Variants in CAMK1D observed in about 807,000 individuals in gnomAD.
The protein encoded by CAMK1D is calcium/calmodulin dependent protein kinase ID, also known as calcium/calmodulin-dependent protein kinase type 1D.
A neutral mutation model predicts 47.7 loss-of-function variants in CAMK1D; 9 were observed. The observed-to-expected ratio is 0.19, with a 90% CI of 0.11 to 0.33. The LOEUF is 0.33. Ranked by LOEUF, CAMK1D falls within the 10% of genes least tolerant of loss-of-function variation. CAMK1D has a pLI of 1.00. For synonymous variants in CAMK1D, 184 were observed against 184.9 expected (o/e 0.99, Z 0.04); for missense variants, 291 against 488.7 (o/e 0.60, Z 3.81).
intron 2 of CAMK1D, among the ~76,000 whole-genome samples, chr10:12,573,777 C>T (rs533256211): frequency 4.7e-5 from 7 of 149,040 alleles, no homozygotes; most frequent in East Asian, 2.0e-4. Context: ...ACCTCAGCCT[C>T]GCAAGTAGCT....
At chr10:12,511,579 C>G (rs895963634) in intron 1 of CAMK1D, among the ~76,000 whole-genome samples, 1 of 152,214 alleles carries the variant, frequency 6.6e-6, no homozygotes, top group African/African-American at 2.4e-5. Flanking sequence ...CCACCACACT[C>G]TAGCCTGGGC....
At chr10:12,584,269 C>T (rs766957452) in intron 2 of CAMK1D, among the ~76,000 whole-genome samples, 1 of 152,126 alleles carries the variant, frequency 6.6e-6, no homozygotes, top group Non-Finnish European at 1.5e-5. Context: ...AAATGTGATT[C>T]TCCAGGAAGA....
chr10:12,743,177 T>A (rs909070364), intron 3 of CAMK1D, among the ~76,000 whole-genome samples: 1 of 151,744 alleles, frequency 6.6e-6, no homozygotes, highest in African/African-American at 2.4e-5. Flanking sequence ...TGAAACCCCA[T>A]CCCTACTAAA....
chr10:12,702,443 A>ACG (rs1205733361), intron 3 of CAMK1D, among the ~76,000 whole-genome samples: 2 of 152,202 alleles, frequency 1.3e-5, no homozygotes, highest in African/African-American at 4.8e-5. Context: ...CTACTTGAAG[A>ACG]CGGGCTCCAT....
chr10:12,811,043 A>G (rs2493757), intron 6 of CAMK1D, among the ~76,000 whole-genome samples: 150,770 of 152,362 alleles, frequency 0.99, 74,615 homozygotes, highest in Middle Eastern at 1. Context: ...ACAGACCCGA[A>G]GCTGGGATGG....
chr10:12,612,849 A>G (rs1349908182), intron 2 of CAMK1D, among the ~76,000 whole-genome samples: 1 of 152,166 alleles, frequency 6.6e-6, no homozygotes, highest in Non-Finnish European at 1.5e-5. Context: ...GTATTGTTGC[A>G]TTTTTTAAAA....
chr10:12,820,061 G>C (rs2431627), intron 8 of CAMK1D, among the ~76,000 whole-genome samples: 116,929 of 152,134 alleles, frequency 0.77, 45,104 homozygotes, highest in East Asian at 0.82. Flanking sequence ...ACCGGAGGTG[G>C]TGGGAGCCTC....
At chr10:12,668,579 G>A (rs1432925395) in intron 3 of CAMK1D, among the ~76,000 whole-genome samples, 1 of 152,198 alleles carries the variant, frequency 6.6e-6, no homozygotes, top group Admixed American at 6.5e-5. Flanking sequence ...TGATAGTGAA[G>A]GAGAAAAGTG....
intron 3 of CAMK1D, among the ~76,000 whole-genome samples, chr10:12,726,988 C>T (rs535419491): frequency 4.6e-5 from 7 of 152,338 alleles, no homozygotes; most frequent in South Asian, 4.1e-4. Context: ...GTCAGGCCTA[C>T]GGCACGCCAT....
intron 2 of CAMK1D, among the ~76,000 whole-genome samples, chr10:12,586,529 A>G (rs1837823942): frequency 6.6e-6 from 1 of 152,128 alleles, no homozygotes; most frequent in Admixed American, 6.6e-5. Flanking sequence ...TGGTTAGGAA[A>G]TCTACTCCTT....
At chr10:12,828,032 C>T (rs562082488) in intron 10 of CAMK1D, among the ~76,000 whole-genome samples, 19 of 152,308 alleles carry the variant, frequency 1.2e-4, no homozygotes, top group African/African-American at 3.4e-4. Context: ...GTACACAACA[C>T]ACCAACCAAG....
rs565369148 is a variant in CAMK1D at position 12,718,399 on chromosome 10, G to A, written c.300-42549G>A. ...TTTATACAGCATAAGAAAGTTTCTC[G>A]TCAACTCTGGTGTATCTTACGCCAT... On this transcript the variant is annotated intron_variant, in intron 3 of 10. Coordinates refer to ENST00000619168, the MANE Select transcript of CAMK1D (RefSeq NM_153498.4). 3.3e-5 allele frequency among the ~76,000 whole-genome samples: 5 copies of A among 152,200 alleles called. No individual in the cohort carries two copies. In the East Asian group the frequency reaches 9.6e-4, roughly 29 times the overall value.
intron 1 of CAMK1D, among the ~76,000 whole-genome samples, chr10:12,355,769 C>T (rs1483765225): frequency 6.6e-6 from 1 of 152,114 alleles, no homozygotes; most frequent in Non-Finnish European, 1.5e-5. Flanking sequence ...TTAAAAATAT[C>T]GGTTGAACAC....
chr10:12,571,127 A>G (rs1010251425), intron 2 of CAMK1D, among the ~76,000 whole-genome samples: 4 of 152,128 alleles, frequency 2.6e-5, no homozygotes, highest in African/African-American at 4.8e-5. Context: ...AGACCAGCAC[A>G]GCAGTATCTC....
At chr10:12,499,420 C>T (rs1467100977) in intron 1 of CAMK1D, among the ~76,000 whole-genome samples, 1 of 152,000 alleles carries the variant, frequency 6.6e-6, no homozygotes, top group Non-Finnish European at 1.5e-5. Context: ...CCTTCCAGTT[C>T]CTTCTGAAAA....
intron 3 of CAMK1D, among the ~76,000 whole-genome samples, chr10:12,755,139 T>A (rs1836171017): frequency 6.6e-6 from 1 of 152,130 alleles, no homozygotes; most frequent in South Asian, 2.1e-4. Context: ...TTTTAAAAAA[T>A]TATTAAAGTA....
chr10:12,535,235 C>T (rs1243269633), intron 1 of CAMK1D, among the ~76,000 whole-genome samples: 2 of 152,130 alleles, frequency 1.3e-5, no homozygotes, highest in Non-Finnish European at 2.9e-5. Context: ...CCAGGCCAGG[C>T]CCTGTCTCTC....
rs537339009 is a variant in CAMK1D, at chr10:12,475,947, A to G, written c.93-77278A>G. 1.2e-3 allele frequency among the ~76,000 whole-genome samples: 176 copies of G among 152,164 alleles called. 2 individuals carry two copies. In the Middle Eastern group the frequency reaches 0.024, roughly 21 times the overall value. On this transcript the variant is annotated intron_variant, in intron 1 of 10. Coordinates refer to ENST00000619168, the MANE Select transcript of CAMK1D (RefSeq NM_153498.4). ...TGGTGATTTGAGCGCAGCGTAGGAAATAGACATTATGGGAATTCATCAGTT... is the reference window on the plus strand; with the variant it reads ...TGGTGATTTGAGCGCAGCGTAGGAAGTAGACATTATGGGAATTCATCAGTT...
chr10:12,500,221 G>C (rs570695123), intron 1 of CAMK1D, among the ~76,000 whole-genome samples: 1 of 152,196 alleles, frequency 6.6e-6, no homozygotes, highest in African/African-American at 2.4e-5. Context: ...AGCTGAGATT[G>C]TGCCACTGTA....
Sources: allele counts gnomAD v4.1 joint callset (sites outside exome capture counted in the v4.1 genomes callset), GRCh38; gene constraint gnomAD v4.1.1; transcripts MANE v1.5; gene names NCBI Gene and HGNC (gene_info 2026-07-23, HGNC 2026-07-21).